The following ACACA variants were observed in gnomAD, a reference collection of about 807,000 sequenced individuals.
ACACA encodes acetyl-CoA carboxylase alpha.
A neutral mutation model predicts 296.1 loss-of-function variants in ACACA; 103 were observed. That is an observed-to-expected ratio of 0.35 (90% CI 0.30 to 0.41). The LOEUF (loss-of-function observed/expected upper bound fraction) is 0.41. Ranked by LOEUF, ACACA falls within the 10% of genes least tolerant of loss-of-function variation. The pLI is 1.00. For synonymous variants in ACACA, 953 were observed against 1,038.6 expected, an observed-to-expected ratio of 0.92 and a Z score of 1.58; for missense variants, 1,554 against 2,989.7, an observed-to-expected ratio of 0.52 and a Z score of 11.20.
intron 17 of ACACA, among the ~76,000 whole-genome samples, chr17:37,248,357 A>G (rs544049443): frequency 2.0e-5 from 3 of 152,336 alleles, no homozygotes; most frequent in South Asian, 4.1e-4. Flanking sequence ...ATTTTCCCCA[A>G]CTGTGGTTGT....
chr17:37,334,013 G>A (rs1345123953), intron 2 of ACACA, among the ~76,000 whole-genome samples: 1 of 151,866 alleles, frequency 6.6e-6, no homozygotes, highest in Non-Finnish European at 1.5e-5. Flanking sequence ...CAAGGCTACA[G>A]TAACCCAAGG....
At chr17:37,185,867 C>T (rs1323206143) in intron 39 of ACACA, among the ~76,000 whole-genome samples, 1 of 152,172 alleles carries the variant, frequency 6.6e-6, no homozygotes, top group Non-Finnish European at 1.5e-5. Flanking sequence ...CTGCGCCCAG[C>T]CTAAAATGTT....
rs146055353 is a variant in ACACA at position 37,096,592 on chromosome 17, C to T, written c.6891+404G>A. Among the ~76,000 whole-genome samples, 355 of 152,310 alleles carry T rather than the reference C, an allele frequency of 2.3e-3. 1 individual carries two copies. The highest frequency in any genetic ancestry group is 8.3e-3 in the African/African-American group (344 of 41,574). On this transcript the variant is annotated intron_variant, in intron 54 of 55. Coordinates refer to ENST00000616317, the MANE Select transcript of ACACA (RefSeq NM_198834.3). ...GAGGGTCAGGTATCTTCTCGCTGTG[C>T]TCTGTGCCCTTTGCTGTGTTTAACA...
intron 1 of ACACA, among the ~76,000 whole-genome samples, chr17:37,385,136 C>A (rs191833910): frequency 2.5e-4 from 38 of 152,172 alleles, no homozygotes; most frequent in African/African-American, 7.2e-4. Flanking sequence ...TACCCTTGCC[C>A]ACCCCAACCC....
intron 9 of ACACA, among the ~76,000 whole-genome samples, chr17:37,273,756 T>G (rs1567921704): frequency 6.6e-6 from 1 of 152,200 alleles, no homozygotes; most frequent in Non-Finnish European, 1.5e-5. Context: ...CATCAACATC[T>G]CTGTTCATAA....
intron 52 of ACACA, among the ~76,000 whole-genome samples, chr17:37,105,921 A>G (rs572440412): frequency 3.3e-5 from 5 of 152,116 alleles, no homozygotes; most frequent in Admixed American, 1.3e-4. Context: ...ATGGTTCAAT[A>G]CTTATGATGC....
chr17:37,289,302 C>T (rs954906515), intron 3 of ACACA: 8 of 438,886 alleles, frequency 1.8e-5, no homozygotes, highest in African/African-American at 4.2e-5. Flanking sequence ...TAACTGTCCA[C>T]ATAAAACAGG....
chr17:37,213,348 C>CAAAAAAAAAAAA (rs11353673), intron 29 of ACACA, among the ~76,000 whole-genome samples: 1 of 78,616 alleles, frequency 1.3e-5, no homozygotes. Flanking sequence ...AAGTAAGTCT[C>CAAAAAAAAAAAA]AAAAAAAAAA....
intron 1 of ACACA, among the ~76,000 whole-genome samples, chr17:37,378,385 A>C (rs1171673818): frequency 3.9e-5 from 6 of 152,346 alleles, no homozygotes; most frequent in African/African-American, 1.4e-4. Context: ...GGGGTCATGA[A>C]TGGAAATGGG....
intron 50 of ACACA, among the ~76,000 whole-genome samples, chr17:37,114,031 T>C (rs1420286524): frequency 1.3e-5 from 2 of 151,848 alleles, no homozygotes. Flanking sequence ...CTACAAATAA[T>C]AAAAAATTAG....
rs1245834807 is a variant in ACACA at position 37,283,376 on chromosome 17, T to C, written c.501A>G (p.Ala167=). The change falls in exon 5 of 56, where the codon GCA becomes GCG. Residue 167 remains alanine (A), a synonymous_variant. Coordinates refer to ENST00000616317, the MANE Select transcript of ACACA (RefSeq NM_198834.3). ...TACGGATAGACCGCATGCATTTCAC[T>C]GCTGCAATGCCATTGTTAGCAATAA... ...KVLIANNGIA[A]VKCMRSIRRW... is the part of the protein sequence containing the mutation. 6.8e-6 allele frequency: 11 copies of C among 1,613,994 alleles called. No individual in the cohort carries two copies. Among genetic ancestry groups the C allele is most frequent in the African/African-American group, 1.3e-5 (1 of 74,924 alleles).
At chr17:37,119,256 C>T (rs964143268) in intron 50 of ACACA, among the ~76,000 whole-genome samples, 3 of 152,062 alleles carry the variant, frequency 2.0e-5, no homozygotes, top group Non-Finnish European at 4.4e-5. Context: ...TACATTATGG[C>T]TTTATCATTT....
chr17:37,127,462 G>A (rs899878364), intron 47 of ACACA, among the ~76,000 whole-genome samples: 5 of 152,146 alleles, frequency 3.3e-5, no homozygotes, highest in African/African-American at 4.8e-5. Context: ...CTTAGAAGCC[G>A]GCTAAGATGG....
chr17:37,244,977 TA>T, intron 20 of ACACA, 102 bp downstream of exon 20: 1 of 1,554,718 alleles, frequency 6.4e-7, no homozygotes, highest in Non-Finnish European at 8.9e-7. Flanking sequence ...GGGACAAAGC[TA>T]AAGAAAACAC....
chr17:37,325,396 T>C (rs1275523756), intron 3 of ACACA, among the ~76,000 whole-genome samples: 3 of 150,396 alleles, frequency 2.0e-5, no homozygotes, highest in African/African-American at 7.3e-5. Context: ...ACATTCAGCC[T>C]TTCTTCTTAA....
At chr17:37,405,703 C>A (rs992512977) in intron 1 of ACACA, among the ~76,000 whole-genome samples, 1 of 152,004 alleles carries the variant, frequency 6.6e-6, no homozygotes, top group African/African-American at 2.4e-5. Context: ...CAGGTGCCTG[C>A]CACCACACCC....
intron 3 of ACACA, chr17:37,299,858 G>A (rs2083536021): frequency 2.1e-6 from 2 of 944,932 alleles, no homozygotes; most frequent in Non-Finnish European, 2.5e-6. Context: ...GAAATCCAGA[G>A]GGAGGAGCAC....
At chr17:37,331,836 C>T (rs1177135745) in intron 2 of ACACA, among the ~76,000 whole-genome samples, 1 of 152,006 alleles carries the variant, frequency 6.6e-6, no homozygotes, top group Non-Finnish European at 1.5e-5. Context: ...GCCACTGTGC[C>T]TGGCCTATGA....
chr17:37,243,266 A>T (rs2145961019), intron 22 of ACACA, 105 bp downstream of exon 22: 1 of 1,239,600 alleles, frequency 8.1e-7, no homozygotes, highest in South Asian at 1.2e-5. Flanking sequence ...AAAGTATACA[A>T]GCACAACATC....
Sources: allele counts gnomAD v4.1 joint callset (sites outside exome capture counted in the v4.1 genomes callset), GRCh38; gene constraint gnomAD v4.1.1; transcripts MANE v1.5; gene names NCBI Gene and HGNC (gene_info 2026-07-23, HGNC 2026-07-21).